Variants in PROS1 observed in about 807,000 individuals in gnomAD.
PROS1 encodes the protein protein S, also known as vitamin K-dependent protein S.
Under a neutral mutation model 75.9 loss-of-function variants are expected in PROS1, and 29 were observed. That is an observed-to-expected ratio of 0.38 (90% CI 0.28 to 0.52). PROS1 has a LOEUF of 0.52. Among genes scored for constraint, PROS1 ranks in the 20% least tolerant of loss-of-function variants. The probability of loss-of-function intolerance (pLI) is 0.83; values close to 1 mark genes in which losing one functional copy is unlikely to be tolerated. For synonymous variants in PROS1, 245 were observed against 280.6 expected (o/e 0.87, Z 1.27); for missense variants, 680 against 810.3 (o/e 0.84, Z 1.95).
intron 14 of PROS1, 82 bp from the exon 15 acceptor site, chr3:93,874,487 C>A (rs1037747297): frequency 2.6e-6 from 4 of 1,556,452 alleles, no homozygotes; most frequent in Non-Finnish European, 3.5e-6. Context: ...ATTCAGACTT[C>A]CTGTTTCCAA....
chr3:93,945,265 C>T lies in PROS1; in HGVS notation c.77-17858G>A, dbSNP rs540146663. Among the ~76,000 whole-genome samples the T allele has an allele frequency of 3.9e-5, 6 of 152,206 alleles. No homozygotes were observed. In the East Asian group the frequency reaches 1.2e-3, roughly 29 times the overall value. On this transcript the variant is annotated intron_variant, in intron 1 of 14. Coordinates refer to ENST00000394236, the MANE Select transcript of PROS1 (RefSeq NM_000313.4). The stretch of plus-strand genomic sequence containing the variant: ...GGTACCATTCCTTCTGAAACTATTC[C>T]AATCAATAGAAAAAGAGGGAATCCT...
chr3:93,884,637 CAAT>C (rs1361881436), intron 12 of PROS1, 88 bp downstream of exon 12: 2 of 1,391,178 alleles, frequency 1.4e-6, no homozygotes, highest in South Asian at 2.4e-5. Context: ...AGTAGATACT[CAAT>C]AATGTTTCAC....
At chr3:93,926,892 G>A (rs1368669711) in intron 2 of PROS1, among the ~76,000 whole-genome samples, 1 of 151,974 alleles carries the variant, frequency 6.6e-6, no homozygotes, top group East Asian at 1.9e-4. Context: ...TGGTGATCAT[G>A]TCTGCCTAAA....
At position 93,927,389 on chromosome 3, in the gene PROS1, G is replaced by A; in HGVS notation, c.95C>T (p.Ala32Val). 2 of 1,614,086 alleles carry A rather than the reference G, an allele frequency of 1.2e-6. No homozygotes were observed. Among genetic ancestry groups the A allele is most frequent in the Non-Finnish European group, 1.7e-6 (2 of 1,180,020 alleles). ...ACGCTTCCTAACCAGGACTTGTGAA[G>A]CCTGTTGCTTTGACAAAACTGAAGG... The part of the protein sequence containing the change: ...SEANFLSKQQ[A>V]SQVLVRKRRA... The change falls in exon 2 of 15, where the codon GCT (alanine) becomes GTT (valine). Residue 32 changes from alanine (A) to valine (V), a missense_variant. Ala to Val is a moderately conservative substitution (Grantham distance 64). Coordinates refer to ENST00000394236, the MANE Select transcript of PROS1 (RefSeq NM_000313.4).
intron 1 of PROS1, among the ~76,000 whole-genome samples, chr3:93,954,814 T>C (rs1042929661): frequency 1.3e-5 from 2 of 152,142 alleles, no homozygotes; most frequent in Non-Finnish European, 2.9e-5. Flanking sequence ...AGAAAATTTT[T>C]ACAATCTACC....
intron 3 of PROS1, among the ~76,000 whole-genome samples, chr3:93,917,297 T>G (rs1383620031): frequency 6.6e-6 from 1 of 152,226 alleles, no homozygotes; most frequent in Non-Finnish European, 1.5e-5. Flanking sequence ...TTTGTTTTGT[T>G]TTTTGTTTCT....
At chr3:93,917,192 C>A (rs894241407) in intron 3 of PROS1, among the ~76,000 whole-genome samples, 4 of 152,220 alleles carry the variant, frequency 2.6e-5, no homozygotes, top group African/African-American at 9.6e-5. Context: ...CATACATATT[C>A]CTTTCTGTCT....
At chr3:93,888,663 A>G (rs574560215) in intron 10 of PROS1, among the ~76,000 whole-genome samples, 1 of 152,288 alleles carries the variant, frequency 6.6e-6, no homozygotes, top group South Asian at 2.1e-4. Flanking sequence ...AAATATATCC[A>G]GAATCTGACC....
chr3:93,898,474 G>A lies in PROS1; in HGVS notation c.823C>T (p.Leu275Phe). 1.2e-6 allele frequency: 2 copies of A among 1,612,682 alleles called. No homozygotes were observed. The highest frequency in any genetic ancestry group is 1.7e-6 in the Non-Finnish European group (2 of 1,178,978). ...TCACAACTCTTCTGATCTTGGGCAA[G>A]TTTGAATCCTTTCTTCCCATCACAA... ...CYCDGKKGFK[L>F]AQDQKSCEVV... The change falls in exon 8 of 15, where the codon CTT (leucine) becomes TTT (phenylalanine). Residue 275 changes from leucine (L) to phenylalanine (F), a missense_variant. Transcript: ENST00000394236.
chr3:93,884,539 A>G (rs1708318233), intron 12 of PROS1, among the ~76,000 whole-genome samples, 189 bp downstream of exon 12: 1 of 152,236 alleles, frequency 6.6e-6, no homozygotes, highest in African/African-American at 2.4e-5. Flanking sequence ...GCACATTCAA[A>G]TGCCTTTATA....
intron 1 of PROS1, among the ~76,000 whole-genome samples, chr3:93,939,771 A>C (rs1199421776): frequency 6.6e-6 from 1 of 151,972 alleles, no homozygotes; most frequent in African/African-American, 2.4e-5. Flanking sequence ...AGACCCTAAA[A>C]GGTCAGAAAG....
intron 7 of PROS1, among the ~76,000 whole-genome samples, chr3:93,899,950 G>A (rs985595138): frequency 8.5e-5 from 13 of 152,132 alleles, no homozygotes; most frequent in African/African-American, 3.1e-4. Context: ...TGTACTTGTA[G>A]CCCCTAAATC....
intron 6 of PROS1, among the ~76,000 whole-genome samples, chr3:93,901,145 C>T (rs969656571): frequency 6.6e-6 from 1 of 152,084 alleles, no homozygotes; most frequent in African/African-American, 2.4e-5. Flanking sequence ...TTGATGTTTG[C>T]CATGTTCCTT....
chr3:93,955,129 G>A (rs547099555), intron 1 of PROS1, among the ~76,000 whole-genome samples: 22 of 152,312 alleles, frequency 1.4e-4, no homozygotes, highest in African/African-American at 5.3e-4. Context: ...CCGTTGGTGG[G>A]ACTGTAAACT....
At chr3:93,918,272 C>T (rs1006675075) in intron 3 of PROS1, among the ~76,000 whole-genome samples, 8 of 152,162 alleles carry the variant, frequency 5.3e-5, no homozygotes, top group South Asian at 2.1e-4. Context: ...CACCAATCAG[C>T]GCCCTGTCAA....
intron 9 of PROS1, among the ~76,000 whole-genome samples, chr3:93,893,404 A>T (rs1708460174): frequency 6.6e-6 from 1 of 152,176 alleles, no homozygotes; most frequent in Admixed American, 6.5e-5. Context: ...TCTTTGACAT[A>T]TATTTTGATA....
At chr3:93,882,714 C>A (rs62266144) in intron 12 of PROS1, among the ~76,000 whole-genome samples, 29,126 of 152,100 alleles carry the variant, frequency 0.19, 3,248 homozygotes, top group Non-Finnish European at 0.24. Context: ...ACAATTCATG[C>A]TCATTCACAG....
intron 1 of PROS1, 35 bp downstream of exon 1, chr3:93,973,639 T>C: frequency 2.5e-6 from 4 of 1,605,412 alleles, no homozygotes; most frequent in Non-Finnish European, 3.4e-6. Context: ...TCGACAATGC[T>C]GGGGAAGGGA....
Position 93,973,471 on chromosome 3 carries a change from C to T in PROS1, c.76+203G>A, listed in dbSNP as rs1709912721. On this transcript the variant is annotated intron_variant, in intron 1 of 14. Transcript: ENST00000394236. ...ATCTGTCCTGTAGGCAATACATTCT[C>T]GCAACTGTGCAAATAGTGATCCTGC... 20 of 612,694 alleles carry T rather than the reference C, an allele frequency of 3.3e-5. No homozygotes were observed. The South Asian group carries it at 3.9e-4, about 12-fold the overall frequency. The allele number at this position is 612,694 out of a possible 1,614,324, so 38.0% of individuals were successfully genotyped here. A position where few individuals can be genotyped will look rare whatever the true frequency, so the allele number is the denominator to read the frequency against.
Sources: gnomAD v4.1 joint callset for allele counts (sites outside exome capture counted in the v4.1 genomes callset) on GRCh38, gnomAD v4.1.1 for gene constraint, MANE v1.5 for transcripts, NCBI Gene and HGNC (gene_info 2026-07-23, HGNC 2026-07-21) for gene names.